The following NCOR1 variants were observed in gnomAD, a reference collection of about 807,000 sequenced individuals.
NCOR1 encodes protein phosphatase 1, regulatory subunit 109.
In NCOR1, 63 loss-of-function variants were observed where a neutral mutation model predicts 288.1. That is an observed-to-expected ratio of 0.22 (90% CI 0.18 to 0.27). NCOR1 has a LOEUF of 0.27. Among genes scored for constraint, NCOR1 ranks in the 10% least tolerant of loss-of-function variants. The pLI is 1.00. For missense variants in NCOR1, 2,397 were observed against 3,019.2 expected, an observed-to-expected ratio of 0.79 and a Z score of 4.83; for synonymous variants, 1,007 against 1,065.9, an observed-to-expected ratio of 0.94 and a Z score of 1.08.
chr17:16,123,476 T>C (rs1406930380), intron 15 of NCOR1, among the ~76,000 whole-genome samples: 1 of 152,228 alleles, frequency 6.6e-6, no homozygotes, highest in Non-Finnish European at 1.5e-5. Context: ...TCTAGCAGGA[T>C]AGCTTTGGCA....
intron 42 of NCOR1, chr17:16,044,988 G>T: frequency 2.1e-6 from 1 of 480,396 alleles, no homozygotes; most frequent in East Asian, 3.9e-5. Context: ...TCAATACAAA[G>T]CTGAACTTAA....
chr17:16,146,282 G>T, intron 10 of NCOR1, 94 bp downstream of exon 10: 1 of 1,155,338 alleles, frequency 8.7e-7, no homozygotes, highest in South Asian at 1.7e-5. Context: ...AAACACCCAA[G>T]AATGATCAAT....
chr17:16,214,534 C>G (rs1042886386), intron 1 of NCOR1, among the ~76,000 whole-genome samples: 18 of 152,192 alleles, frequency 1.2e-4, no homozygotes, highest in African/African-American at 4.3e-4. Context: ...ATTACCTATA[C>G]TACTACTCTC....
At chr17:16,074,095 T>C (rs2062090506) in intron 27 of NCOR1, among the ~76,000 whole-genome samples, 1 of 152,110 alleles carries the variant, frequency 6.6e-6, no homozygotes, top group African/African-American at 2.4e-5. Flanking sequence ...GTAAGCGTGG[T>C]AACCGGCTAA....
intron 6 of NCOR1, among the ~76,000 whole-genome samples, chr17:16,154,856 C>A (rs760581789): frequency 5.9e-5 from 9 of 152,082 alleles, no homozygotes; most frequent in African/African-American, 2.2e-4. Context: ...AGGAAAGAAG[C>A]GTAAGACCAG....
At chr17:16,091,217 C>T (rs1412881547) in intron 22 of NCOR1, among the ~76,000 whole-genome samples, 1 of 152,184 alleles carries the variant, frequency 6.6e-6, no homozygotes, top group Non-Finnish European at 1.5e-5. Flanking sequence ...AGTACTAATA[C>T]ACTAATTAAT....
In NCOR1 at chr17:16,057,888, A is replaced by T; in HGVS notation, c.6168+19T>A. The T allele has an allele frequency of 6.4e-7, 1 of 1,568,934 alleles. No individual in the cohort carries two copies. The highest frequency in any genetic ancestry group is 8.6e-7 in the Non-Finnish European group (1 of 1,162,648). On this transcript the variant is annotated intron_variant, in intron 39 of 45. Transcript: ENST00000268712. ...ATCAAAAAAGAAAAATTAACTAATAAGAATAATGAAAAACTTACACAGATG... is the reference window on the plus strand; with the variant it reads ...ATCAAAAAAGAAAAATTAACTAATATGAATAATGAAAAACTTACACAGATG...
In NCOR1 at chr17:16,211,267, T is replaced by A. The variant is rs143754444; in HGVS notation, c.-71+4095A>T. 4.2e-3 allele frequency among the ~76,000 whole-genome samples: 633 copies of A among 152,088 alleles called. 6 individuals are homozygous for A. Among genetic ancestry groups the A allele is most frequent in the African/African-American group, 0.015 (605 of 41,512 alleles). On this transcript the variant is annotated intron_variant, in intron 1 of 45. Transcript: ENST00000268712. ...ATTTTTATTTTATTTTTATTTATTTTTTTTTTTGAGAGACAGTCTTGCTCT... is the reference window on the plus strand; with the variant it reads ...ATTTTTATTTTATTTTTATTTATTTATTTTTTTGAGAGACAGTCTTGCTCT...
intron 30 of NCOR1, 111 bp downstream of exon 30, chr17:16,071,298 T>A: frequency 4.1e-6 from 6 of 1,454,358 alleles, no homozygotes; most frequent in Non-Finnish European, 5.6e-6. Flanking sequence ...ACTTTCATGT[T>A]TACTTCCAGG....
rs58921498 is a variant in NCOR1, at chr17:16,051,231, C to G, written c.6393-2243G>C. Among the ~76,000 whole-genome samples the G allele has an allele frequency of 6.7e-3, 1,021 of 152,134 alleles. 14 individuals carry two copies. Among genetic ancestry groups the G allele is most frequent in the African/African-American group, 0.024 (987 of 41,470 alleles). ...AAAATGAAGAAATTAGCACACATACCCTTACTTCTCCATCTCTTTCCTATG... is the reference window on the plus strand; with the variant it reads ...AAAATGAAGAAATTAGCACACATACGCTTACTTCTCCATCTCTTTCCTATG... On this transcript the variant is annotated intron_variant, in intron 40 of 45. Coordinates refer to ENST00000268712, the MANE Select transcript of NCOR1 (RefSeq NM_006311.4).
chr17:16,209,704 C>T (rs2091935205), intron 1 of NCOR1, among the ~76,000 whole-genome samples: 1 of 149,824 alleles, frequency 6.7e-6, no homozygotes, highest in African/African-American at 2.5e-5. Flanking sequence ...GTAATCCCAA[C>T]ACTTTGGGAG....
chr17:16,171,951 G>A lies in NCOR1; in HGVS notation c.287C>T (p.Pro96Leu), dbSNP rs2083212635. The change falls in exon 4 of 46, where the codon CCA (proline) becomes CTA (leucine). Residue 96 changes from proline (P) to leucine (L), a missense_variant. Around this residue, in one of 11 missense-constraint regions of NCOR1, gnomAD observed 110 missense variants for 123.2 expected, o/e 0.89. Transcript: ENST00000268712. ...CAGTGAATCATGATCCACTGGGGAT[G>A]GGCCTGGATGAAACGGTTCATAACT... The part of the protein sequence containing the change: ...RTSYEPFHPG[P>L]SPVDHDSLES... 22 of 1,606,498 alleles carry A rather than the reference G, an allele frequency of 1.4e-5. No homozygotes were observed. Among genetic ancestry groups the A allele is most frequent in the Non-Finnish European group, 1.9e-5 (22 of 1,177,006 alleles).
chr17:16,097,246 A>G (rs929492546), intron 21 of NCOR1, among the ~76,000 whole-genome samples: 1 of 152,196 alleles, frequency 6.6e-6, no homozygotes, highest in African/African-American at 2.4e-5. Flanking sequence ...AGGAGGCTAG[A>G]ACTTCTTTGG....
chr17:16,092,172 AT>A, intron 21 of NCOR1, 114 bp from the exon 22 acceptor site: 2 of 1,267,626 alleles, frequency 1.6e-6, no homozygotes, highest in Non-Finnish European at 1.1e-6. Context: ...TGATTTTATC[AT>A]TTTTTAATCA....
intron 23 of NCOR1, among the ~76,000 whole-genome samples, chr17:16,081,194 G>T (rs770484595): frequency 2.9e-5 from 4 of 139,862 alleles, no homozygotes; most frequent in Non-Finnish European, 3.1e-5. Flanking sequence ...CTTTTCTTTT[G>T]TTTTTTTTGT....
intron 1 of NCOR1, among the ~76,000 whole-genome samples, chr17:16,196,846 GAA>G (rs1168442808): frequency 7.3e-6 from 1 of 136,820 alleles, no homozygotes; most frequent in African/African-American, 2.8e-5. Flanking sequence ...AAAAAGAAAA[GAA>G]AAAAAAAAGA....
intron 40 of NCOR1, among the ~76,000 whole-genome samples, chr17:16,050,133 G>A (rs2059139740): frequency 6.6e-6 from 1 of 151,774 alleles, no homozygotes; most frequent in Non-Finnish European, 1.5e-5. Flanking sequence ...TCACTATGTT[G>A]CTGACCTCAA....
At chr17:16,127,713 GTATATATACATATA>G (rs2074935387) in intron 14 of NCOR1, among the ~76,000 whole-genome samples, 2 of 137,026 alleles carry the variant, frequency 1.5e-5, no homozygotes, top group Admixed American at 7.5e-5. Context: ...ATATGTGTGT[GTATATATACATATA>G]TGTGTATATA....
intron 3 of NCOR1, among the ~76,000 whole-genome samples, chr17:16,183,410 T>A (rs1283108142): frequency 2.0e-5 from 3 of 148,880 alleles, no homozygotes; most frequent in Middle Eastern, 3.5e-3. Context: ...AGTTGCAGGA[T>A]ACAAAATCAA....
Sources: allele counts gnomAD v4.1 joint callset (sites outside exome capture counted in the v4.1 genomes callset), GRCh38; gene constraint gnomAD v4.1.1; regional missense constraint gnomAD v4.1.1; transcripts MANE v1.5; gene names NCBI Gene and HGNC (gene_info 2026-07-23, HGNC 2026-07-21).